NAALADL2: variants seen among roughly 807,000 people sequenced by gnomAD.
The protein encoded by NAALADL2 is N-acetylated alpha-linked acidic dipeptidase like 2.
In NAALADL2, 76 loss-of-function variants were observed where a neutral mutation model predicts 87.2. That is an observed-to-expected ratio of 0.87 (90% confidence interval 0.72 to 1.05). The LOEUF is 1.05. Ranked by LOEUF, NAALADL2 falls within the 50% of genes least tolerant of loss-of-function variation. The pLI, the probability that NAALADL2 is intolerant of heterozygous loss-of-function variation, is 0.00. For synonymous variants in NAALADL2, 354 were observed against 331.0 expected (o/e 1.07, Z -0.75); for missense variants, 1,089 against 945.8 (o/e 1.15, Z -1.99).
At chr3:174,957,391 G>C (rs1741305650) in intron 1 of NAALADL2, among the ~76,000 whole-genome samples, 1 of 151,962 alleles carries the variant, frequency 6.6e-6, no homozygotes, top group African/African-American at 2.4e-5. Context: ...ACTACAGAAA[G>C]GTGACAAGCT....
intron 2 of NAALADL2, among the ~76,000 whole-genome samples, chr3:174,608,081 A>C (rs1168675836): frequency 6.6e-6 from 1 of 152,156 alleles, no homozygotes; most frequent in African/African-American, 2.4e-5. Flanking sequence ...GTACATAACG[A>C]AATGAAGGCA....
intron 11 of NAALADL2, chr3:175,675,631 A>T (rs1302123661): frequency 1.3e-5 from 2 of 152,144 alleles, no homozygotes; most frequent in Non-Finnish European, 1.5e-5. Context: ...CAAATTTTGC[A>T]TTTTCATCTC....
At chr3:175,108,488 T>G (rs1180304434) in intron 2 of NAALADL2, among the ~76,000 whole-genome samples, 1 of 152,016 alleles carries the variant, frequency 6.6e-6, no homozygotes, top group African/African-American at 2.4e-5. Flanking sequence ...TCATTTTTCT[T>G]TGAACAGAAA....
rs1164125225 is a variant in NAALADL2, at chr3:174,610,547, C to G, written c.-115+59910C>G. 2.0e-5 allele frequency among the ~76,000 whole-genome samples: 3 copies of G among 152,148 alleles called. No homozygotes were observed. In the East Asian group the frequency reaches 5.8e-4, roughly 29 times the overall value. ...TCTGAAAAGAAGACATTTATGCAGC[C>G]AAAAAACACGTGAAAAAATGCTCAC... On this transcript the variant is annotated intron_variant, in intron 2 of 3. Coordinates refer to the NAALADL2 transcript ENST00000434257.
intron 1 of NAALADL2, among the ~76,000 whole-genome samples, chr3:174,538,500 A>T (rs1721927183): frequency 6.6e-6 from 1 of 152,200 alleles, no homozygotes; most frequent in Non-Finnish European, 1.5e-5. Flanking sequence ...AAATAAATTT[A>T]CTTGACATAT....
intron 2 of NAALADL2, among the ~76,000 whole-genome samples, chr3:175,211,526 A>G (rs1741761897): frequency 6.6e-6 from 1 of 151,970 alleles, no homozygotes; most frequent in Admixed American, 6.6e-5. Flanking sequence ...TATTTAAAAC[A>G]CTTACATATT....
Position 174,761,667 on chromosome 3 carries a change from C to A in NAALADL2, c.-9+23921C>A, listed in dbSNP as rs371611195. Among the ~76,000 whole-genome samples the A allele has an allele frequency of 3.1e-3, 477 of 151,962 alleles. 9 individuals are homozygous for A. The highest frequency in any genetic ancestry group is 0.017 in the South Asian group (82 of 4,802). ...TTTTAGGGTACATGTACACAATGTG[C>A]AGGTTTGTTACATATGTATACATGT... is the stretch of plus-strand genomic sequence containing the variant. On this transcript the variant is annotated intron_variant, in intron 3 of 3. Coordinates refer to the NAALADL2 transcript ENST00000434257.
intron 2 of NAALADL2, among the ~76,000 whole-genome samples, chr3:174,714,922 T>C (rs902838707): frequency 1.8e-4 from 27 of 152,192 alleles, no homozygotes; most frequent in African/African-American, 6.5e-4. Flanking sequence ...CAGTATGATA[T>C]TGGCTGTGGG....
chr3:174,921,063 A>G (rs1426945415), intron 1 of NAALADL2, among the ~76,000 whole-genome samples: 3 of 152,192 alleles, frequency 2.0e-5, no homozygotes, highest in African/African-American at 2.4e-5. Context: ...AATAACAGAT[A>G]TAATAATAAT....
chr3:175,631,618 C>CTA (rs1560883664), intron 11 of NAALADL2, among the ~76,000 whole-genome samples: 1 of 151,866 alleles, frequency 6.6e-6, no homozygotes, highest in Admixed American at 6.6e-5. Context: ...TGCTGAAGGG[C>CTA]AATACATGCT....
chr3:175,709,914 G>A (rs1322453975), intron 11 of NAALADL2, among the ~76,000 whole-genome samples: 3 of 152,086 alleles, frequency 2.0e-5, no homozygotes, highest in African/African-American at 4.8e-5. Context: ...GTTTGATGCA[G>A]TGAGTACAGG....
Position 174,893,924 on chromosome 3 carries a change from C to T in NAALADL2, c.43+34474C>T, listed in dbSNP as rs1413838730. Among the ~76,000 whole-genome samples the T allele has an allele frequency of 3.3e-5, 5 of 152,040 alleles. No homozygotes were observed. In the East Asian group the frequency reaches 9.7e-4, roughly 29 times the overall value. Reference sequence around the variant, plus strand: ...CTCTCCAATACAAAAATGTAGACAGCCCAAATGGATTTACAAAAACAAGAC... The same window carrying T: ...CTCTCCAATACAAAAATGTAGACAGTCCAAATGGATTTACAAAAACAAGAC... On this transcript the variant is annotated intron_variant, in intron 1 of 13. Transcript: ENST00000454872.
chr3:174,944,714 C>G (rs1026607706), intron 1 of NAALADL2, among the ~76,000 whole-genome samples: 2 of 152,168 alleles, frequency 1.3e-5, no homozygotes, highest in African/African-American at 4.8e-5. Context: ...CTCCACATAG[C>G]TCTGTGTGTC....
intron 1 of NAALADL2, among the ~76,000 whole-genome samples, chr3:174,867,293 C>G (rs1310125768): frequency 6.6e-6 from 1 of 151,992 alleles, no homozygotes; most frequent in Non-Finnish European, 1.5e-5. Context: ...TTAACACTTA[C>G]ATGTTTTGGT....
At chr3:175,394,218 A>G (rs557898575) in intron 5 of NAALADL2, among the ~76,000 whole-genome samples, 6 of 152,336 alleles carry the variant, frequency 3.9e-5, no homozygotes, top group Admixed American at 2.0e-4. Context: ...AATGAAATCA[A>G]TGATGGTTGA....
intron 5 of NAALADL2, among the ~76,000 whole-genome samples, chr3:175,329,067 T>C (rs557561161): frequency 2.6e-5 from 4 of 152,302 alleles, no homozygotes; most frequent in Admixed American, 6.5e-5. Flanking sequence ...ACAGTGTTGA[T>C]TTTAATTTTA....
intron 5 of NAALADL2, among the ~76,000 whole-genome samples, chr3:175,355,717 T>A (rs886579790): frequency 7.9e-5 from 12 of 152,224 alleles, no homozygotes; most frequent in African/African-American, 2.9e-4. Flanking sequence ...TGCCTGGGAA[T>A]ACTTCATGTA....
chr3:175,312,981 G>A, intron 4 of NAALADL2, among the ~76,000 whole-genome samples: 1 of 152,130 alleles, frequency 6.6e-6, no homozygotes, highest in East Asian at 1.9e-4. Context: ...CATAGACTGG[G>A]CGGCTTAAAC....
chr3:174,892,652 G>A (rs1361616686), intron 1 of NAALADL2, among the ~76,000 whole-genome samples: 2 of 152,060 alleles, frequency 1.3e-5, no homozygotes, highest in East Asian at 1.9e-4. Flanking sequence ...GTTCCAATGC[G>A]GTGTCTCACG....
Sources: allele counts gnomAD v4.1 joint callset (sites outside exome capture counted in the v4.1 genomes callset), GRCh38; gene constraint gnomAD v4.1.1; transcripts MANE v1.5; gene names NCBI Gene and HGNC (gene_info 2026-07-23, HGNC 2026-07-21).